CACNA1S: variants seen among roughly 807,000 people sequenced by gnomAD.
The protein encoded by CACNA1S is voltage-dependent L-type calcium channel subunit alpha-1S.
In CACNA1S, 126 loss-of-function variants were observed where a neutral mutation model predicts 207.4. The ratio of observed to expected loss-of-function variants is 0.61; its 90% CI spans 0.53 to 0.70. The LOEUF (loss-of-function observed/expected upper bound fraction) is 0.70. Among genes scored for constraint, CACNA1S ranks in the 30% least tolerant of loss-of-function variants. CACNA1S has a pLI of 0.00. For missense variants in CACNA1S, 2,349 were observed against 2,422.8 expected (o/e 0.97, Z 0.64); for synonymous variants, 960 against 932.7 (o/e 1.03, Z -0.53).
intron 38 of CACNA1S, 67 bp downstream of exon 38, chr1:201,047,048 G>C: frequency 6.2e-7 from 1 of 1,603,556 alleles, no homozygotes; most frequent in African/African-American, 1.3e-5. Context: ...GACATGGAAG[G>C]ATAACTAGAG....
At chr1:201,095,146 A>T in intron 2 of CACNA1S, among the ~76,000 whole-genome samples, 1 of 74,810 alleles carries the variant, frequency 1.3e-5, no homozygotes, top group South Asian at 3.7e-4. Context: ...GTGTGTGTAT[A>T]CATATATATA....
Position 201,053,943 on chromosome 1 carries a change from C to T in CACNA1S, c.3667-356G>A, listed in dbSNP as rs1485362579. Among the ~76,000 whole-genome samples the T allele has an allele frequency of 2.0e-5, 3 of 152,146 alleles. No individual in the cohort carries two copies. Among genetic ancestry groups the T allele is most frequent in the African/African-American group, 7.2e-5 (3 of 41,450 alleles). ...CAATCTCCTCAAGCTGCCACTGAGTCGAGGACCCTGGTGGCCCTCCTAGGG... is the reference window on the plus strand; with the variant it reads ...CAATCTCCTCAAGCTGCCACTGAGTTGAGGACCCTGGTGGCCCTCCTAGGG... On this transcript the variant is annotated intron_variant, in intron 29 of 43. Transcript: ENST00000362061. This position sits in a 1 kb window ranked among gnomAD's most constrained non-coding sequence, Gnocchi z 5.1.
Position 201,049,447 on chromosome 1 carries a change from A to G in CACNA1S, c.4242-348T>C, listed in dbSNP as rs552565623. Among the ~76,000 whole-genome samples the G allele has an allele frequency of 3.9e-5, 6 of 152,272 alleles. No individual in the cohort carries two copies. In the South Asian group the frequency reaches 1.2e-3, roughly 32 times the overall value. ...GCCCTTGGGCTATATTAATAGAAGTAGTGGGTGTAGATCAAAGGAGGTGGA... is the reference window on the plus strand; with the variant it reads ...GCCCTTGGGCTATATTAATAGAAGTGGTGGGTGTAGATCAAAGGAGGTGGA... On this transcript the variant is annotated intron_variant, in intron 34 of 43. Transcript: ENST00000362061.
chr1:201,101,234 C>T (rs927265850), intron 2 of CACNA1S, among the ~76,000 whole-genome samples: 1 of 152,174 alleles, frequency 6.6e-6, no homozygotes, highest in Non-Finnish European at 1.5e-5. Flanking sequence ...GGTGGAGAGG[C>T]TGCGGGCTGG....
chr1:201,101,254 A>G (rs979120876), intron 2 of CACNA1S, among the ~76,000 whole-genome samples: 1 of 152,192 alleles, frequency 6.6e-6, no homozygotes, highest in Non-Finnish European at 1.5e-5. Context: ...GGGAAAATCC[A>G]GGGACCTTTC....
At position 201,077,965 on chromosome 1, in the gene CACNA1S, G is replaced by T. The variant is rs780112076; in HGVS notation, c.1533C>A (p.Ile511=). 2.5e-6 allele frequency: 4 copies of T among 1,614,160 alleles called. No homozygotes were observed. In the South Asian group the frequency reaches 3.3e-5, roughly 13 times the overall value. The change falls in exon 11 of 44, where the codon ATC becomes ATA. Residue 511 remains isoleucine, a synonymous_variant. Coordinates refer to ENST00000362061, the MANE Select transcript of CACNA1S (RefSeq NM_000069.3). ...CFVVCSGILE[I]LLVESGAMTP... is the part of the protein sequence containing the mutation. ...TCATGGCACCCGACTCCACCAGCAG[G>T]ATCTCCAGGATACCGCTACACACCA...
chr1:201,048,348 C>T (rs1043116215), intron 36 of CACNA1S, among the ~76,000 whole-genome samples: 2 of 152,238 alleles, frequency 1.3e-5, no homozygotes, highest in African/African-American at 4.8e-5. Flanking sequence ...GGCCCCCAGA[C>T]ACAGCTGAGG....
At chr1:201,072,678 C>T (rs1031536965) in intron 16 of CACNA1S, 77 bp downstream of exon 16, 4 of 1,038,918 alleles carry the variant, frequency 3.9e-6, no homozygotes, top group Middle Eastern at 2.1e-4. Context: ...AGAGACTGCC[C>T]ATGGGGAGAA....
intron 2 of CACNA1S, among the ~76,000 whole-genome samples, chr1:201,104,640 G>A (rs1662806720): frequency 6.6e-6 from 1 of 152,176 alleles, no homozygotes; most frequent in Non-Finnish European, 1.5e-5. Context: ...TTTGATATGT[G>A]TTCCTTGGAT....
chr1:201,074,264 G>A (rs1025717554), intron 14 of CACNA1S, among the ~76,000 whole-genome samples: 2 of 152,240 alleles, frequency 1.3e-5, no homozygotes, highest in African/African-American at 4.8e-5. Context: ...GCCAGGCTCT[G>A]AGGCTCTGGC....
intron 12 of CACNA1S, among the ~76,000 whole-genome samples, chr1:201,076,297 AAG>A (rs1661618382): frequency 6.6e-6 from 1 of 152,358 alleles, no homozygotes; most frequent in African/African-American, 2.4e-5. Flanking sequence ...TAATGGAAGA[AAG>A]AGAGGATCGA....
chr1:201,091,424 G>A (rs542850719), intron 5 of CACNA1S, among the ~76,000 whole-genome samples: 2 of 152,294 alleles, frequency 1.3e-5, no homozygotes, highest in South Asian at 4.1e-4. Context: ...TTCAGAACCA[G>A]CCATGGCCCA....
Position 201,091,664 on chromosome 1 carries a change from T to C in CACNA1S, c.670A>G (p.Lys224Glu), listed in dbSNP as rs374763528. 5.0e-5 allele frequency: 81 copies of C among 1,614,124 alleles called. No homozygotes were observed. Among genetic ancestry groups the C allele is most frequent in the Non-Finnish European group, 6.9e-5 (81 of 1,180,052 alleles). ...CCTGTACCAATGAAGTAGCAGGTCT[T>C]GTGCATCTTGCCCTTGAAGAGCTCC... is the stretch of plus-strand genomic sequence containing the variant. ...GLELFKGKMHKTCYFIGTDIV... is the reference protein window; with the variant it reads ...GLELFKGKMHETCYFIGTDIV... Residue 224 changes from lysine (K) to glutamate (E), a missense_variant, in exon 5 of 44, where the codon AAG becomes GAG. Physicochemically the swap from Lys to Glu is moderately conservative, Grantham distance 56. Transcript: ENST00000362061.
intron 2 of CACNA1S, among the ~76,000 whole-genome samples, chr1:201,107,992 G>A (rs1252403273): frequency 6.6e-6 from 1 of 152,064 alleles, no homozygotes; most frequent in African/African-American, 2.4e-5. Context: ...CCTAACCCAA[G>A]GTTTTGCAAC....
intron 22 of CACNA1S, among the ~76,000 whole-genome samples, chr1:201,063,553 T>C (rs944862589): frequency 6.6e-6 from 1 of 152,100 alleles, no homozygotes; most frequent in African/African-American, 2.4e-5. Context: ...CTTCCCAAAT[T>C]GCCGGGATTA....
chr1:201,044,298 C>A, intron 39 of CACNA1S, 30 bp downstream of exon 39: 1 of 1,611,916 alleles, frequency 6.2e-7, no homozygotes, highest in Non-Finnish European at 8.5e-7. Context: ...GGTGTCTAGA[C>A]CACTAGGGGT....
At chr1:201,108,085 G>A (rs1572076702) in intron 2 of CACNA1S, among the ~76,000 whole-genome samples, 2 of 151,146 alleles carry the variant, frequency 1.3e-5, no homozygotes, top group South Asian at 2.1e-4. Flanking sequence ...GATGGAAGAT[G>A]ACATAACCAT....
chr1:201,065,187 C>T (rs934693260), intron 22 of CACNA1S, among the ~76,000 whole-genome samples: 5 of 152,348 alleles, frequency 3.3e-5, no homozygotes, highest in African/African-American at 1.2e-4. Flanking sequence ...GGACTTGCCA[C>T]ATATTAGCCT....
rs201268263 is a variant in CACNA1S, at chr1:201,072,739, T to G, written c.2227+16A>C. 3 of 1,606,560 alleles carry G rather than the reference T, an allele frequency of 1.9e-6. No individual in the cohort carries two copies. Among genetic ancestry groups the G allele is most frequent in the Non-Finnish European group, 2.6e-6 (3 of 1,173,238 alleles). The stretch of plus-strand genomic sequence containing the variant: ...ACCCCAGCACCCTGCTCCAGTCCAG[T>G]CTCCAGCATCCTCACCTGGGAAGTC... On this transcript the variant is annotated intron_variant, in intron 16 of 43. Coordinates refer to ENST00000362061, the MANE Select transcript of CACNA1S (RefSeq NM_000069.3).
Sources: allele counts gnomAD v4.1 joint callset (sites outside exome capture counted in the v4.1 genomes callset), GRCh38; gene constraint gnomAD v4.1.1; non-coding constraint Gnocchi (gnomAD v3.1); transcripts MANE v1.5; gene names NCBI Gene and HGNC (gene_info 2026-07-23, HGNC 2026-07-21).